Variants in SRCIN1 observed in about 807,000 individuals in gnomAD.
SRCIN1 encodes SRC kinase signaling inhibitor 1, also known as P130Cas-associated protein.
In SRCIN1, 50 loss-of-function variants were observed where a neutral mutation model predicts 116.2. The ratio of observed to expected loss-of-function variants is 0.43; its 90% CI spans 0.34 to 0.54. SRCIN1 has a LOEUF of 0.54. Among genes scored for constraint, SRCIN1 ranks in the 20% least tolerant of loss-of-function variants. The pLI is 0.02. For synonymous variants in SRCIN1, 736 were observed against 750.0 expected, an observed-to-expected ratio of 0.98 and a Z score of 0.30; for missense variants, 1,446 against 1,672.0, an observed-to-expected ratio of 0.86 and a Z score of 2.36.
At chr17:38,581,796 G>A (rs1446868328) in intron 1 of SRCIN1, among the ~76,000 whole-genome samples, 2 of 152,168 alleles carry the variant, frequency 1.3e-5, no homozygotes, top group Admixed American at 6.5e-5. Flanking sequence ...CTAAAGGAGA[G>A]TGGCCTGAAT....
In SRCIN1 at chr17:38,561,995, C is replaced by T; in HGVS notation, c.1168G>A (p.Val390Met). The T allele has an allele frequency of 4.7e-6, 7 of 1,494,692 alleles. No individual in the cohort carries two copies. Among genetic ancestry groups the T allele is most frequent in the Non-Finnish European group, 1.8e-6 (2 of 1,130,220 alleles). 92.6% of individuals were successfully genotyped at this position (1,494,692 alleles called of 1,614,324 possible). Residue 390 changes from valine (V) to methionine (M), a missense_variant, in exon 7 of 19, where the codon GTG becomes ATG. Physicochemically the swap from Val to Met is conservative, Grantham distance 21. Coordinates refer to ENST00000617146, the MANE Select transcript of SRCIN1 (RefSeq NM_025248.3). ...LASKAGGMVL[V>M]KGEGLYADPY... ...TCAGCATAGAGGCCCTCGCCTTTCA[C>T]CAGCACCATGCCGCCCGCCTTGCTC... is the stretch of plus-strand genomic sequence containing the variant.
At chr17:38,540,167 AC>A (rs1313890158) in intron 18 of SRCIN1, among the ~76,000 whole-genome samples, 2 of 152,104 alleles carry the variant, frequency 1.3e-5, no homozygotes, top group African/African-American at 2.4e-5. Context: ...ACGCCTGGGA[AC>A]CTGGCTCCCG....
Position 38,534,946 on chromosome 17 carries a change from G to A in SRCIN1, c.3418-1515C>T, listed in dbSNP as rs1371941060. Among the ~76,000 whole-genome samples the A allele has an allele frequency of 2.6e-5, 4 of 152,014 alleles. No individual in the cohort carries two copies. The East Asian group carries it at 5.8e-4, about 22-fold the overall frequency. ...TCAAGACCAGCCTGGGTAACATGGC[G>A]AGACCTCGTCTCTACTAAAAAAAAA... is the stretch of plus-strand genomic sequence containing the variant. On this transcript the variant is annotated intron_variant, in intron 18 of 18. Transcript: ENST00000617146.
At chr17:38,566,886 C>CTTCCTTCA (rs1906738477) in intron 3 of SRCIN1, among the ~76,000 whole-genome samples, 1 of 148,652 alleles carries the variant, frequency 6.7e-6, no homozygotes. Flanking sequence ...TCCTTCCTTC[C>CTTCCTTCA]TTCCTTCCTT....
At position 38,561,999 on chromosome 17, in the gene SRCIN1, C is replaced by G; in HGVS notation, c.1164G>C (p.Val388=). Residue 388 remains valine (V), a synonymous_variant, in exon 7 of 19, where the codon GTG becomes GTC. Coordinates refer to ENST00000617146, the MANE Select transcript of SRCIN1 (RefSeq NM_025248.3). ...CATAGAGGCCCTCGCCTTTCACCAG[C>G]ACCATGCCGCCCGCCTTGCTCGCCA... is the stretch of plus-strand genomic sequence containing the variant. The part of the protein sequence containing the change: ...EDLASKAGGM[V]LVKGEGLYAD... 1.3e-6 allele frequency: 2 copies of G among 1,494,668 alleles called. No homozygotes were observed. Among genetic ancestry groups the G allele is most frequent in the East Asian group, 2.8e-5 (1 of 35,420 alleles). 92.6% of individuals were successfully genotyped at this position (1,494,668 alleles called of 1,614,324 possible).
intron 1 of SRCIN1, among the ~76,000 whole-genome samples, chr17:38,586,881 C>G (rs1597928337): frequency 6.6e-6 from 1 of 152,350 alleles, no homozygotes; most frequent in South Asian, 2.1e-4. Flanking sequence ...GGCACTGACA[C>G]CTGCCTAGGA....
chr17:38,567,988 C>T (rs1448221869), intron 3 of SRCIN1, among the ~76,000 whole-genome samples: 1 of 152,174 alleles, frequency 6.6e-6, no homozygotes, highest in Non-Finnish European at 1.5e-5. Flanking sequence ...AGATCCCCAG[C>T]AGGGGTGGCC....
intron 1 of SRCIN1, 98 bp from the exon 2 acceptor site, chr17:38,578,889 G>T: frequency 6.5e-6 from 9 of 1,374,728 alleles, no homozygotes; most frequent in Non-Finnish European, 8.6e-6. Context: ...CGGGGCCTGG[G>T]CCTAAGGAGA....
rs147611102 is a variant in SRCIN1 at position 38,595,498 on chromosome 17, G to C, written c.22+10186C>G. Among the ~76,000 whole-genome samples the C allele has an allele frequency of 2.0e-3, 300 of 152,326 alleles. 1 individual carries two copies. The highest frequency in any genetic ancestry group is 6.8e-3 in the African/African-American group (281 of 41,568). On this transcript the variant is annotated intron_variant, in intron 1 of 18. Transcript: ENST00000617146. ...CCCAAAGTGCTGGGATTACAGGCGT[G>C]AGCCACCGCGCCTGGCCTTCAATAA...
chr17:38,534,914 C>T (rs2040978488), intron 18 of SRCIN1, among the ~76,000 whole-genome samples: 1 of 152,084 alleles, frequency 6.6e-6, no homozygotes. Context: ...TGCTTGAGCC[C>T]AGGAAGTCAA....
chr17:38,547,851 G>A (rs1319441177), intron 17 of SRCIN1: 1 of 208,236 alleles, frequency 4.8e-6, no homozygotes, highest in South Asian at 4.5e-5. Context: ...GGCGTGGGGG[G>A]GAGGGAAGAC....
At chr17:38,598,846 T>C (rs1908863365) in intron 1 of SRCIN1, among the ~76,000 whole-genome samples, 1 of 152,132 alleles carries the variant, frequency 6.6e-6, no homozygotes, top group Non-Finnish European at 1.5e-5. Flanking sequence ...CCAGTTCTGC[T>C]GGGGTGGGAG....
At chr17:38,546,079 C>T (rs182507299) in intron 17 of SRCIN1, among the ~76,000 whole-genome samples, 15 of 152,334 alleles carry the variant, frequency 9.8e-5, no homozygotes, top group East Asian at 1.9e-4. Flanking sequence ...GCACCTGCTC[C>T]GGTGCCAGCA....
chr17:38,559,144 G>A (rs948591399), intron 10 of SRCIN1: 1 of 192,302 alleles, frequency 5.2e-6, no homozygotes, highest in Non-Finnish European at 1.1e-5. Flanking sequence ...CTGCCAAGCA[G>A]GGCCGGGGAG....
At chr17:38,579,258 G>A (rs559704519) in intron 1 of SRCIN1, among the ~76,000 whole-genome samples, 28 of 152,306 alleles carry the variant, frequency 1.8e-4, no homozygotes, top group African/African-American at 6.7e-4. Flanking sequence ...CTTTGAGGTT[G>A]GGGGCGGGGA....
Position 38,562,681 on chromosome 17 carries a change from G to A in SRCIN1, c.834+146C>T. The A allele has an allele frequency of 7.1e-6, 5 of 706,146 alleles. No individual in the cohort carries two copies. Among genetic ancestry groups the A allele is most frequent in the Non-Finnish European group, 7.0e-6 (3 of 427,442 alleles). The allele number at this position is 706,146 out of a possible 1,614,324, so 43.7% of individuals were successfully genotyped here. ...CGGAATGGAGGGGAAAGTGGCAGGT[G>A]GGACAGGGGCTCTTCCCTAACCCCT... is the stretch of plus-strand genomic sequence containing the variant. On this transcript the variant is annotated intron_variant, in intron 6 of 18. Transcript: ENST00000617146. The surrounding 1 kb of genome is among the most constrained non-coding windows in gnomAD (Gnocchi z 4.2).
chr17:38,591,365 C>A (rs1026823866), intron 1 of SRCIN1, among the ~76,000 whole-genome samples: 1 of 152,242 alleles, frequency 6.6e-6, no homozygotes, highest in East Asian at 1.9e-4. Flanking sequence ...CCGGAACCTT[C>A]TGTCATAAGC....
In SRCIN1 at chr17:38,530,268, T is replaced by C. The variant is rs1277150959; in HGVS notation, c.*3029A>G. ...GCCCTACAGGGTGGATGGGGCAGGG[T>C]GTGGAGCCGGGGCTCACCCCGGGGG... On this transcript the variant is annotated 3_prime_UTR_variant, in exon 19 of 19. Coordinates refer to ENST00000617146, the MANE Select transcript of SRCIN1 (RefSeq NM_025248.3). 3.3e-5 allele frequency: 5 copies of C among 151,718 alleles called. No homozygotes were observed. The highest frequency in any genetic ancestry group is 7.4e-5 in the Non-Finnish European group (5 of 67,914). The allele number at this position is 151,718 out of a possible 1,614,324, so 9.4% of individuals were successfully genotyped here.
chr17:38,587,120 T>C (rs1908156034), intron 1 of SRCIN1, among the ~76,000 whole-genome samples: 1 of 152,032 alleles, frequency 6.6e-6, no homozygotes, highest in Admixed American at 6.5e-5. Flanking sequence ...CCTCACCTCC[T>C]CCCTCAGACT....
Sources: gnomAD v4.1 joint callset for allele counts (sites outside exome capture counted in the v4.1 genomes callset) on GRCh38, gnomAD v4.1.1 for gene constraint, Gnocchi (gnomAD v3.1) non-coding constraint, MANE v1.5 for transcripts, NCBI Gene and HGNC (gene_info 2026-07-23, HGNC 2026-07-21) for gene names.